Variants in CTNNA2 observed in about 807,000 individuals in gnomAD.
CTNNA2 encodes catenin alpha 2, also known as catenin alpha-2.
A neutral mutation model predicts 101.0 loss-of-function variants in CTNNA2; 42 were observed. That is an observed-to-expected ratio of 0.42 (90% CI 0.32 to 0.54). The LOEUF (loss-of-function observed/expected upper bound fraction) is 0.54, where lower values mean the gene tolerates loss of function less well. CTNNA2 is among the 20% of genes least tolerant of loss of function. The pLI, the probability that CTNNA2 is intolerant of heterozygous loss-of-function variation, is 0.14. For synonymous variants in CTNNA2, 450 were observed against 456.4 expected, an observed-to-expected ratio of 0.99 and a Z score of 0.18; for missense variants, 871 against 1,223.1, an observed-to-expected ratio of 0.71 and a Z score of 4.29.
upstream of CTNNA2, among the ~76,000 whole-genome samples, chr2:79,511,565 A>G (rs943488125): frequency 1.3e-5 from 2 of 152,164 alleles, no homozygotes; most frequent in Admixed American, 1.3e-4. Context: ...GATTCTTCTT[A>G]AGCCAATATC....
chr2:80,271,108 G>C (rs929254806), intron 7 of CTNNA2, among the ~76,000 whole-genome samples: 2 of 152,170 alleles, frequency 1.3e-5, no homozygotes, highest in African/African-American at 4.8e-5. Flanking sequence ...TGCTGTTAGT[G>C]AAATGACAGA....
At chr2:79,823,209 C>G (rs944535078) in intron 3 of CTNNA2, among the ~76,000 whole-genome samples, 1 of 152,140 alleles carries the variant, frequency 6.6e-6, no homozygotes, top group Non-Finnish European at 1.5e-5. Context: ...ACCCAGAAGA[C>G]CTAAGCCATA....
chr2:79,645,106 C>T (rs896479527), intron 1 of CTNNA2, among the ~76,000 whole-genome samples: 4 of 152,116 alleles, frequency 2.6e-5, no homozygotes, highest in African/African-American at 7.2e-5. Context: ...CCTCAGCCTC[C>T]GGAGTAGGTA....
chr2:79,414,775 G>A (rs1420877834), intron 4 of CTNNA2, among the ~76,000 whole-genome samples: 1 of 152,014 alleles, frequency 6.6e-6, no homozygotes, highest in Non-Finnish European at 1.5e-5. Context: ...CAGAAAGGGA[G>A]GCCCAGCTGT....
intron 3 of CTNNA2, among the ~76,000 whole-genome samples, chr2:79,770,529 C>T (rs1399336477): frequency 6.6e-6 from 1 of 152,104 alleles, no homozygotes; most frequent in African/African-American, 2.4e-5. Context: ...AGGCATACCA[C>T]AAAAATACTG....
At chr2:79,928,818 T>G (rs1687200813) in intron 7 of CTNNA2, among the ~76,000 whole-genome samples, 1 of 152,196 alleles carries the variant, frequency 6.6e-6, no homozygotes, top group African/African-American at 2.4e-5. Context: ...TCAGGTGATA[T>G]AGTCCAACCA....
At chr2:79,294,541 C>T (rs183064582) in intron 2 of CTNNA2, among the ~76,000 whole-genome samples, 1 of 152,164 alleles carries the variant, frequency 6.6e-6, no homozygotes, top group African/African-American at 2.4e-5. Flanking sequence ...TCTCTCTTCC[C>T]CAAACCATCA....
chr2:80,519,105 CCT>C (rs969474835), intron 9 of CTNNA2, among the ~76,000 whole-genome samples: 23 of 151,540 alleles, frequency 1.5e-4, no homozygotes, highest in Non-Finnish European at 2.1e-4. Context: ...AGAATAAACA[CCT>C]CTCTTTCTCT....
chr2:80,083,909 A>G (rs545883203), intron 7 of CTNNA2, among the ~76,000 whole-genome samples: 1 of 152,264 alleles, frequency 6.6e-6, no homozygotes, highest in East Asian at 1.9e-4. Context: ...GAAGTGGATC[A>G]TAATCTCAAA....
intron 7 of CTNNA2, among the ~76,000 whole-genome samples, chr2:80,285,317 T>A (rs1223397439): frequency 6.6e-6 from 1 of 152,212 alleles, no homozygotes; most frequent in Non-Finnish European, 1.5e-5. Flanking sequence ...CTGCCCTCTT[T>A]CTTCAGCAGC....
chr2:80,367,330 G>T (rs1675032515), intron 7 of CTNNA2, among the ~76,000 whole-genome samples: 1 of 152,098 alleles, frequency 6.6e-6, no homozygotes, highest in South Asian at 2.1e-4. Flanking sequence ...CGACTGACTA[G>T]TCTTGTAACC....
chr2:79,646,058 G>T (rs1451261356), intron 1 of CTNNA2, among the ~76,000 whole-genome samples: 3 of 152,176 alleles, frequency 2.0e-5, no homozygotes, highest in African/African-American at 7.2e-5. Flanking sequence ...AGGTTTGGGT[G>T]GTCCCCTTGG....
At chr2:79,360,469 A>C (rs963349943) in intron 3 of CTNNA2, among the ~76,000 whole-genome samples, 3 of 152,206 alleles carry the variant, frequency 2.0e-5, no homozygotes, top group Non-Finnish European at 4.4e-5. Flanking sequence ...AAACAAAGAA[A>C]TGAGATGAGA....
intron 7 of CTNNA2, among the ~76,000 whole-genome samples, chr2:80,378,516 T>C (rs893053595): frequency 2.0e-5 from 3 of 151,936 alleles, no homozygotes; most frequent in Non-Finnish European, 4.4e-5. Flanking sequence ...GATCACAACA[T>C]TTTTATTTTA....
intron 7 of CTNNA2, among the ~76,000 whole-genome samples, chr2:80,006,717 T>C (rs1272858533): frequency 6.6e-6 from 1 of 152,170 alleles, no homozygotes; most frequent in Non-Finnish European, 1.5e-5. Flanking sequence ...GTTAGTGTTC[T>C]TCTTGTGGGC....
At chr2:79,380,479 C>A (rs919249838) in intron 4 of CTNNA2, among the ~76,000 whole-genome samples, 1 of 152,132 alleles carries the variant, frequency 6.6e-6, no homozygotes, top group Non-Finnish European at 1.5e-5. Flanking sequence ...CCCTCCCAAT[C>A]CTGAATCACA....
intron 7 of CTNNA2, among the ~76,000 whole-genome samples, chr2:80,094,201 T>A (rs1194227150): frequency 1.3e-5 from 2 of 152,270 alleles, no homozygotes; most frequent in Non-Finnish European, 2.9e-5. Context: ...AAGGAAGGGA[T>A]CCAGTTTCAG....
chr2:79,408,002 T>C (rs1362845165), intron 4 of CTNNA2, among the ~76,000 whole-genome samples: 1 of 152,056 alleles, frequency 6.6e-6, no homozygotes, highest in East Asian at 1.9e-4. Context: ...TATTGGACTT[T>C]GAGTTTTTGT....
intron 7 of CTNNA2, among the ~76,000 whole-genome samples, chr2:79,939,177 A>T (rs13002521): frequency 1.4e-5 from 1 of 73,028 alleles, no homozygotes; most frequent in African/African-American, 4.0e-5. Flanking sequence ...TAGCAATTTT[A>T]AAAAAAATAT....
Sources: allele counts gnomAD v4.1 joint callset (sites outside exome capture counted in the v4.1 genomes callset), GRCh38; gene constraint gnomAD v4.1.1; transcripts MANE v1.5; gene names NCBI Gene and HGNC (gene_info 2026-07-23, HGNC 2026-07-21).